Variants in OPCML observed in about 807,000 individuals in gnomAD.
The protein encoded by OPCML is opioid-binding protein/cell adhesion molecule.
In OPCML, 13 loss-of-function variants were observed where a neutral mutation model predicts 37.8. The ratio of observed to expected loss-of-function variants is 0.34; its 90% confidence interval spans 0.22 to 0.55. The LOEUF (loss-of-function observed/expected upper bound fraction) is 0.55, where lower values mean the gene tolerates loss of function less well. Ranked by LOEUF, OPCML falls within the 20% of genes least tolerant of loss-of-function variation. The probability of loss-of-function intolerance (pLI) is 0.91; values close to 1 mark genes in which losing one functional copy is unlikely to be tolerated. For synonymous variants in OPCML, 176 were observed against 168.8 expected (o/e 1.04, Z -0.33); for missense variants, 341 against 435.6 (o/e 0.78, Z 1.93).
intron 1 of OPCML, among the ~76,000 whole-genome samples, chr11:133,095,275 A>ATTTTTT (rs1214349245): frequency 1.0e-5 from 1 of 97,730 alleles, no homozygotes; most frequent in African/African-American, 5.1e-5. Context: ...TTTAATGTAA[A>ATTTTTT]TGTTTTTTTT....
At chr11:132,720,894 C>T (rs1944653602) in intron 2 of OPCML, among the ~76,000 whole-genome samples, 1 of 151,324 alleles carries the variant, frequency 6.6e-6, no homozygotes, top group Admixed American at 6.6e-5. Flanking sequence ...TCCCTAATAG[C>T]TTTACATAGA....
intron 2 of OPCML, among the ~76,000 whole-genome samples, chr11:132,782,430 A>G (rs1028026219): frequency 6.6e-6 from 1 of 152,208 alleles, no homozygotes; most frequent in African/African-American, 2.4e-5. Context: ...CTGCAGGATA[A>G]ATGTTTCTTA....
chr11:133,198,387 C>T (rs1938622758), intron 1 of OPCML, among the ~76,000 whole-genome samples: 1 of 152,226 alleles, frequency 6.6e-6, no homozygotes, highest in African/African-American at 2.4e-5. Context: ...ACAGTAGGTA[C>T]ATTTAGCAAG....
intron 4 of OPCML, among the ~76,000 whole-genome samples, chr11:132,514,800 G>A (rs1308242750): frequency 6.6e-6 from 1 of 152,128 alleles, no homozygotes; most frequent in Non-Finnish European, 1.5e-5. Context: ...AGAAAGAGGA[G>A]TGGGTAGGGT....
intron 2 of OPCML, among the ~76,000 whole-genome samples, chr11:132,834,438 A>C (rs1940893768): frequency 6.6e-6 from 1 of 152,220 alleles, no homozygotes; most frequent in Non-Finnish European, 1.5e-5. Flanking sequence ...ATGGCTTCAC[A>C]CAGTTCTGAA....
intron 3 of OPCML, among the ~76,000 whole-genome samples, chr11:132,565,805 G>A (rs1449270216): frequency 6.6e-6 from 1 of 152,216 alleles, no homozygotes; most frequent in Non-Finnish European, 1.5e-5. Context: ...GGCTGGGGCA[G>A]TCAGATCACT....
intron 1 of OPCML, among the ~76,000 whole-genome samples, chr11:132,997,766 T>C (rs1310102003): frequency 6.6e-6 from 1 of 152,238 alleles, no homozygotes; most frequent in Non-Finnish European, 1.5e-5. Flanking sequence ...CCACAAATAC[T>C]AATTCCTTCC....
In OPCML at chr11:132,569,342, G is replaced by A. The variant is rs573694591; in HGVS notation, c.380-40156C>T. On this transcript the variant is annotated intron_variant, in intron 3 of 7. Transcript: ENST00000524381. The stretch of plus-strand genomic sequence containing the variant: ...CAACAAGCCAACGTGAAAGGCTTCC[G>A]AAGCAATCAACTCTGCTGACACTTT... Among the ~76,000 whole-genome samples, 15 of 152,276 alleles carry A rather than the reference G, an allele frequency of 9.9e-5. 1 individual carries two copies. Among genetic ancestry groups the A allele is most frequent in the Admixed American group, 6.5e-4 (10 of 15,300 alleles).
chr11:133,100,425 AGTT>A (rs1949069165), intron 1 of OPCML, among the ~76,000 whole-genome samples: 1 of 152,248 alleles, frequency 6.6e-6, no homozygotes, highest in African/African-American at 2.4e-5. Context: ...AATACCAGCA[AGTT>A]ATTTTGCAAA....
At chr11:133,107,534 C>T (rs907724789) in intron 1 of OPCML, among the ~76,000 whole-genome samples, 5 of 152,188 alleles carry the variant, frequency 3.3e-5, no homozygotes, top group Non-Finnish European at 7.4e-5. Context: ...TGTCAGCCCA[C>T]CAGAGCCAGA....
chr11:133,279,094 T>C (rs746525362), intron 1 of OPCML, among the ~76,000 whole-genome samples: 6 of 152,166 alleles, frequency 3.9e-5, no homozygotes, highest in Non-Finnish European at 8.8e-5. Context: ...CCACGGCTAA[T>C]AGGAAGAACT....
At chr11:132,524,726 G>A (rs563078632) in intron 4 of OPCML, among the ~76,000 whole-genome samples, 2 of 152,240 alleles carry the variant, frequency 1.3e-5, no homozygotes, top group South Asian at 4.2e-4. Flanking sequence ...TTTAAGTACT[G>A]CCAAGGAGAT....
intron 1 of OPCML, among the ~76,000 whole-genome samples, chr11:133,465,499 T>C (rs1946954777): frequency 6.6e-6 from 1 of 152,228 alleles, no homozygotes; most frequent in African/African-American, 2.4e-5. Context: ...TCCGAGTATC[T>C]GAGCATCAGC....
At chr11:132,505,120 A>T (rs574983432) in intron 4 of OPCML, among the ~76,000 whole-genome samples, 3 of 152,298 alleles carry the variant, frequency 2.0e-5, no homozygotes, top group South Asian at 2.1e-4. Context: ...CAGCCTAATA[A>T]ATATTTGAAG....
At chr11:132,809,120 C>G (rs1380609207) in intron 2 of OPCML, among the ~76,000 whole-genome samples, 1 of 152,142 alleles carries the variant, frequency 6.6e-6, no homozygotes, top group African/African-American at 2.4e-5. Context: ...AAAGGAAAAA[C>G]AGAAGCAGCA....
At chr11:132,470,138 G>C (rs1413143208) in intron 4 of OPCML, among the ~76,000 whole-genome samples, 1 of 152,094 alleles carries the variant, frequency 6.6e-6, no homozygotes, top group Non-Finnish European at 1.5e-5. Context: ...GATGACTACT[G>C]AATAGAGAAC....
chr11:133,074,066 C>T (rs1436119069), intron 1 of OPCML, among the ~76,000 whole-genome samples: 1 of 152,196 alleles, frequency 6.6e-6, no homozygotes, highest in African/African-American at 2.4e-5. Flanking sequence ...GAATCTCATT[C>T]ATTATTTGCC....
At chr11:133,124,422 A>C (rs192809851) in intron 1 of OPCML, among the ~76,000 whole-genome samples, 121 of 152,210 alleles carry the variant, frequency 7.9e-4, no homozygotes, top group Admixed American at 4.5e-3. Flanking sequence ...CTTGTCTGCT[A>C]CATCACAGAT....
At chr11:132,656,422 C>T (rs1941710819) in intron 3 of OPCML, among the ~76,000 whole-genome samples, 1 of 152,134 alleles carries the variant, frequency 6.6e-6, no homozygotes, top group South Asian at 2.1e-4. Context: ...TGGGCTATGT[C>T]GATTCAAGTT....
Sources: gnomAD v4.1 joint callset for allele counts (sites outside exome capture counted in the v4.1 genomes callset) on GRCh38, gnomAD v4.1.1 for gene constraint, MANE v1.5 for transcripts, NCBI Gene and HGNC (gene_info 2026-07-23, HGNC 2026-07-21) for gene names.